SFXN3: variants seen among roughly 807,000 people sequenced by gnomAD.
SFXN3 encodes sideroflexin 3.
SFXN3 carries 31 observed loss-of-function variants against 40.4 expected under a neutral mutation model. That is an observed-to-expected ratio of 0.77 (90% CI 0.58 to 1.04). SFXN3 has a LOEUF of 1.04. Ranked by LOEUF, SFXN3 falls within the 50% of genes least tolerant of loss-of-function variation. SFXN3 has a pLI of 0.00. For missense variants in SFXN3, 366 were observed against 408.2 expected, an observed-to-expected ratio of 0.90 and a Z score of 0.89; for synonymous variants, 157 against 160.0, an observed-to-expected ratio of 0.98 and a Z score of 0.14.
chr10:101,038,118 G>C (rs371504096), intron 9 of SFXN3: 104 of 314,220 alleles, frequency 3.3e-4, no homozygotes, highest in African/African-American at 1.8e-3. Flanking sequence ...CAAAGGATGA[G>C]GAGAGAGCCA....
intron 2 of SFXN3, 60 bp downstream of exon 2, chr10:101,032,542 T>C: frequency 2.0e-6 from 3 of 1,483,012 alleles, no homozygotes; most frequent in East Asian, 2.7e-5. Context: ...GAAGGAGGCC[T>C]GCCTTGAAAC....
In SFXN3 at chr10:101,039,789, C is replaced by T; in HGVS notation, c.*204C>T. ...TTCTCTGGTTTCAAAGATCAGAGCA[C>T]ATAACCCCTCCTGTGCTTGAGTGTC... is the stretch of plus-strand genomic sequence containing the variant. On this transcript the variant is annotated 3_prime_UTR_variant, in exon 12 of 12. Coordinates refer to ENST00000393459, the Ensembl canonical transcript of SFXN3. The surrounding 1 kb of genome is among the most constrained non-coding windows in gnomAD (Gnocchi z 4.6). 1.7e-6 allele frequency: 1 copy of T among 598,416 alleles called. No homozygotes were observed. The highest frequency in any genetic ancestry group is 2.8e-5 in the East Asian group (1 of 35,922). The allele number at this position is 598,416 out of a possible 1,614,324, so 37.1% of individuals were successfully genotyped here.
At position 101,039,792 on chromosome 10, in the gene SFXN3, A is replaced by G. The variant is rs1394634035; in HGVS notation, c.*207A>G. ...TCTGGTTTCAAAGATCAGAGCACAT[A>G]ACCCCTCCTGTGCTTGAGTGTCCAT... On this transcript the variant is annotated 3_prime_UTR_variant, in exon 12 of 12. Transcript: ENST00000393459. The surrounding 1 kb of genome is among the most constrained non-coding windows in gnomAD (Gnocchi z 4.6). 2 of 596,642 alleles carry G rather than the reference A, an allele frequency of 3.4e-6. No individual in the cohort carries two copies. Among genetic ancestry groups the G allele is most frequent in the Non-Finnish European group, 6.0e-6 (2 of 332,768 alleles). 37.0% of individuals were successfully genotyped at this position (596,642 alleles called of 1,614,324 possible).
chr10:101,039,553 G>T lies in SFXN3; in HGVS notation c.934G>T (p.Val312Phe). Residue 312 changes from valine (V) to phenylalanine (F), a missense_variant, in exon 12 of 12, where the codon GTT becomes TTT. Val to Phe is a conservative substitution (Grantham distance 50). Coordinates refer to ENST00000393459, the Ensembl canonical transcript of SFXN3. This position sits in a 1 kb window ranked among gnomAD's most constrained non-coding sequence, Gnocchi z 4.6. ...TCAGATCCATGAGCAAAACCCCAGC[G>T]TTGAAGTGGTCTACTACAACAAGGG... 6.2e-7 allele frequency: 1 copy of T among 1,614,156 alleles called. No individual in the cohort carries two copies. The highest frequency in any genetic ancestry group is 8.5e-7 in the Non-Finnish European group (1 of 1,180,000).
At chr10:101,032,955 G>C (rs1211331975) in intron 2 of SFXN3, among the ~76,000 whole-genome samples, 2 of 152,196 alleles carry the variant, frequency 1.3e-5, no homozygotes, top group Non-Finnish European at 2.9e-5. Context: ...CTTATCCGGA[G>C]GCAAGTGGCC....
chr10:101,038,830 T>C (rs1938752201), intron 10 of SFXN3, 138 bp downstream of exon 10: 1 of 1,354,594 alleles, frequency 7.4e-7, no homozygotes, highest in East Asian at 2.4e-5. Context: ...GGAACAACTA[T>C]AGGGTCTACT....
intron 2 of SFXN3, 77 bp from the exon 3 acceptor site, chr10:101,034,615 G>C (rs1938494145): frequency 1.3e-6 from 2 of 1,520,426 alleles, no homozygotes; most frequent in East Asian, 4.5e-5. Flanking sequence ...GGCCAGGGCA[G>C]GGGCACCAAA....
chr10:101,037,609 G>T, intron 9 of SFXN3, 178 bp downstream of exon 9: 1 of 1,486,356 alleles, frequency 6.7e-7, no homozygotes, highest in East Asian at 2.4e-5. Flanking sequence ...TGGGGTGAAG[G>T]AACTCTGCAG....
intron 9 of SFXN3, 102 bp from the exon 10 acceptor site, chr10:101,038,541 G>A (rs527814592): frequency 4.4e-6 from 7 of 1,605,018 alleles, no homozygotes; most frequent in Non-Finnish European, 6.0e-6. Flanking sequence ...AGGTCTAAGG[G>A]CTCCAAGGCA....
chr10:101,037,492 C>G lies in SFXN3; in HGVS notation c.771+61C>G, dbSNP rs907826019. On this transcript the variant is annotated intron_variant, in intron 9 of 11. Transcript: ENST00000393459. ...GATGGCTGGGAGAAGTGACCAGGCCCCAACTCTCTCTCCAGCCTCGCCTGA... is the reference window on the plus strand; with the variant it reads ...GATGGCTGGGAGAAGTGACCAGGCCGCAACTCTCTCTCCAGCCTCGCCTGA... 1.4e-5 allele frequency: 23 copies of G among 1,613,642 alleles called. No individual in the cohort carries two copies. In the South Asian group the frequency reaches 2.3e-4, roughly 16 times the overall value.
At position 101,035,986 on chromosome 10, in the gene SFXN3, T is replaced by C. The variant is rs762240411; in HGVS notation, c.333-17T>C. ...CCACTGTAGACGGGGCAGAAGTGAG[T>C]GTCTTTGTTCCCTCAGGAAGACCCC... On this transcript the variant is annotated splice_polypyrimidine_tract_variant and intron_variant, in intron 4 of 11. Coordinates refer to ENST00000393459, the Ensembl canonical transcript of SFXN3. The C allele has an allele frequency of 2.5e-6, 4 of 1,604,710 alleles. No homozygotes were observed. Among genetic ancestry groups the C allele is most frequent in the African/African-American group, 2.7e-5 (2 of 74,614 alleles).
rs1311824947 is a variant in SFXN3 at position 101,039,180 on chromosome 10, T to C, written c.827T>C (p.Val276Ala). The change falls in exon 11 of 12, where the codon GTA becomes GCA. Residue 276 changes from valine (V) to alanine (A), a missense_variant. Val to Ala is a moderately conservative substitution (Grantham distance 64). Transcript: ENST00000393459. This position sits in a 1 kb window ranked among gnomAD's most constrained non-coding sequence, Gnocchi z 4.6. ...CCAACACTTGTCTCCCCCAGCCTGG[T>C]ATTTGCAACCCCCCTGTGCTGTGCC... 1.9e-6 allele frequency: 3 copies of C among 1,610,956 alleles called. No homozygotes were observed. The South Asian group carries it at 3.3e-5, about 18-fold the overall frequency.
At position 101,034,861 on chromosome 10, in the gene SFXN3, C is replaced by G. The variant is rs556543669; in HGVS notation, c.161+6C>G. ...AACATCGTGCAGAACTACAGGTGAC[C>G]ACCCCTCAATCTGACCCTGTGTGCC... is the stretch of plus-strand genomic sequence containing the variant. On this transcript the variant is annotated splice_donor_region_variant and intron_variant, in intron 3 of 11. Transcript: ENST00000393459. 6.2e-7 allele frequency: 1 copy of G among 1,612,708 alleles called. No individual in the cohort carries two copies. Among genetic ancestry groups the G allele is most frequent in the Admixed American group, 1.7e-5 (1 of 59,824 alleles).
Position 101,036,834 on chromosome 10 carries a change from T to C in SFXN3, c.593+26T>C. The C allele has an allele frequency of 6.2e-7, 1 of 1,611,180 alleles. No individual in the cohort carries two copies. Among genetic ancestry groups the C allele is most frequent in the African/African-American group, 1.3e-5 (1 of 74,976 alleles). On this transcript the variant is annotated intron_variant, in intron 7 of 11. Coordinates refer to ENST00000393459, the Ensembl canonical transcript of SFXN3. The surrounding 1 kb of genome is among the most constrained non-coding windows in gnomAD (Gnocchi z 4.2). ...GTGAGTGACCCCGGCTCCTGGCATGTGCATGCCCAGAATGTAGCACACTGT... is the reference window on the plus strand; with the variant it reads ...GTGAGTGACCCCGGCTCCTGGCATGCGCATGCCCAGAATGTAGCACACTGT...
intron 8 of SFXN3, 89 bp downstream of exon 8, chr10:101,037,292 G>C: frequency 1.2e-6 from 2 of 1,613,770 alleles, no homozygotes; most frequent in Non-Finnish European, 1.7e-6. Flanking sequence ...TGGGGAGAGA[G>C]GGAGGAGCTT....
intron 2 of SFXN3, among the ~76,000 whole-genome samples, chr10:101,034,339 T>A (rs1175941721): frequency 1.3e-5 from 2 of 152,202 alleles, no homozygotes; most frequent in Non-Finnish European, 2.9e-5. Context: ...GTCCTGCACA[T>A]CCCTAGATCC....
At chr10:101,032,614 G>A (rs1564648072) in intron 2 of SFXN3, 132 bp downstream of exon 2, 4 of 1,033,718 alleles carry the variant, frequency 3.9e-6, no homozygotes, top group Non-Finnish European at 4.0e-6. Flanking sequence ...CAGGGCACAA[G>A]GGAGGTTGGG....
chr10:101,036,648 G>T lies in SFXN3; in HGVS notation c.508-75G>T, dbSNP rs748858504. 4 of 1,610,220 alleles carry T rather than the reference G, an allele frequency of 2.5e-6. No individual in the cohort carries two copies. The highest frequency in any genetic ancestry group is 3.3e-5 in the Admixed American group (2 of 59,826). ...TCACACCTCCAGTTCTGACCTATAT[G>T]CCCCCTATATCTCCCCAGAGTCCCT... is the stretch of plus-strand genomic sequence containing the variant. On this transcript the variant is annotated intron_variant, in intron 6 of 11. Transcript: ENST00000393459. This position sits in a 1 kb window ranked among gnomAD's most constrained non-coding sequence, Gnocchi z 4.2.
At chr10:101,038,785 C>T (rs1198668543) in intron 10 of SFXN3, 93 bp downstream of exon 10, 5 of 1,570,340 alleles carry the variant, frequency 3.2e-6, no homozygotes, top group East Asian at 4.5e-5. Flanking sequence ...TGTTTATAGA[C>T]ATCATCCATT....
Sources: allele counts gnomAD v4.1 joint callset (sites outside exome capture counted in the v4.1 genomes callset), GRCh38; gene constraint gnomAD v4.1.1; non-coding constraint Gnocchi (gnomAD v3.1); transcripts MANE v1.5; gene names NCBI Gene and HGNC (gene_info 2026-07-23, HGNC 2026-07-21).